The following RPL3 variants were observed in gnomAD, a reference collection of about 807,000 sequenced individuals.
The protein encoded by RPL3 is large ribosomal subunit protein uL3.
In RPL3, 3 loss-of-function variants were observed where a neutral mutation model predicts 46.0. That is an observed-to-expected ratio of 0.07 (90% CI 0.03 to 0.17). The LOEUF (loss-of-function observed/expected upper bound fraction) is 0.17, where lower values mean the gene tolerates loss of function less well. Ranked by LOEUF, RPL3 falls within the 10% of genes least tolerant of loss-of-function variation. The pLI, the probability that RPL3 is intolerant of heterozygous loss-of-function variation, is 1.00. For missense variants in RPL3, 387 were observed against 532.7 expected (o/e 0.73, Z 2.69); for synonymous variants, 224 against 190.8 (o/e 1.17, Z -1.43).
At chr22:39,319,479 C>A in intron 1 of RPL3, 116 bp downstream of exon 1, 1 of 1,403,390 alleles carries the variant, frequency 7.1e-7, no homozygotes. Flanking sequence ...CGCTGGGTCG[C>A]CCGTGCCCCT....
In RPL3 at chr22:39,318,511, C is replaced by T; in HGVS notation, c.85G>A (p.Val29Met). The T allele has an allele frequency of 6.2e-7, 1 of 1,613,862 alleles. No individual in the cohort carries two copies. The highest frequency in any genetic ancestry group is 1.7e-5 in the Admixed American group (1 of 59,994). The change falls in exon 2 of 10, where the codon GTG becomes ATG. Residue 29 changes from valine (V) to methionine (M), a missense_variant. Physicochemically the swap from Val to Met is conservative, Grantham distance 21. Coordinates refer to ENST00000216146, the MANE Select transcript of RPL3 (RefSeq NM_000967.4). ...RKRSSRHRGK[V>M]KSFPKDDPSK... Reference sequence around the variant, plus strand: ...GGGTCATCCTTAGGGAAGCTCTTCACCTTCCCACGATGCCTGCTGCTGCGC... The same window carrying T: ...GGGTCATCCTTAGGGAAGCTCTTCATCTTCCCACGATGCCTGCTGCTGCGC...
At chr22:39,313,499 A>C in intron 8 of RPL3, 135 bp downstream of exon 8, 3 of 1,239,524 alleles carry the variant, frequency 2.4e-6, no homozygotes, top group Non-Finnish European at 3.4e-6. Context: ...TCATCTCAGG[A>C]CTTCAAAGCC....
At chr22:39,316,989 T>C (rs758237728) in intron 3 of RPL3, 148 bp from the exon 4 acceptor site, 23 of 1,206,508 alleles carry the variant, frequency 1.9e-5, no homozygotes, top group Non-Finnish European at 2.6e-5. Flanking sequence ...AAGCGGAGCC[T>C]GGATGGAGCT....
chr22:39,315,682 A>G, intron 4 of RPL3, 127 bp from the exon 5 acceptor site: 1 of 1,058,072 alleles, frequency 9.5e-7, no homozygotes, highest in East Asian at 2.5e-5. Flanking sequence ...TGAACAAGTC[A>G]CTGAACCTCA....
intron 7 of RPL3, 43 bp from the exon 8 acceptor site, chr22:39,313,772 T>G (rs1922504971): frequency 6.4e-7 from 1 of 1,570,932 alleles, no homozygotes; most frequent in Non-Finnish European, 8.8e-7. Context: ...AGGAGGGGAT[T>G]GTCGTGCAGA....
chr22:39,313,899 A>G, intron 7 of RPL3, 170 bp from the exon 8 acceptor site: 1 of 845,672 alleles, frequency 1.2e-6, no homozygotes, highest in East Asian at 2.4e-5. Context: ...TCCAGGCCTC[A>G]TCACTGAACA....
chr22:39,314,093 C>T lies in RPL3; in HGVS notation c.951+14G>A, dbSNP rs753078882. On this transcript the variant is annotated intron_variant, in intron 7 of 9. Coordinates refer to ENST00000216146, the MANE Select transcript of RPL3 (RefSeq NM_000967.4). ...CCTGGGATGGCCTCACAGAGCAGAA[C>T]ACCCATTACTTACCAGAGGGTTGAT... 13 of 1,606,760 alleles carry T rather than the reference C, an allele frequency of 8.1e-6. No individual in the cohort carries two copies. Among genetic ancestry groups the T allele is most frequent in the Non-Finnish European group, 1.0e-5 (12 of 1,174,448 alleles).
rs1346152326 is a variant in RPL3 at position 39,319,619 on chromosome 22, T to C, written c.-22A>G. ...CCATCACGCCATCAAATCCCGCCGG[T>C]AGAGGCCGGTCGGCCTTACGGGTCC... is the stretch of plus-strand genomic sequence containing the variant. On this transcript the variant is annotated 5_prime_UTR_variant, in exon 1 of 10. Transcript: ENST00000216146. The C allele has an allele frequency of 6.5e-7, 1 of 1,550,104 alleles. No homozygotes were observed. Among genetic ancestry groups the C allele is most frequent in the Non-Finnish European group, 8.8e-7 (1 of 1,142,756 alleles).
intron 2 of RPL3, 37 bp from the exon 3 acceptor site, chr22:39,317,666 C>A (rs1280269928): frequency 6.2e-7 from 1 of 1,606,806 alleles, no homozygotes; most frequent in African/African-American, 1.3e-5. Context: ...TTGGCAGGAG[C>A]CCAAGCAAGG....
chr22:39,313,727 A>G lies in RPL3; in HGVS notation c.954T>C (p.Gly318=), dbSNP rs746662279. The G allele has an allele frequency of 1.2e-6, 2 of 1,613,982 alleles. No individual in the cohort carries two copies. The highest frequency in any genetic ancestry group is 1.7e-6 in the Non-Finnish European group (2 of 1,179,962). ...TCACTTCACCATAGTGGACAAAGCC[A>G]CCCTGGAAAACGAGCATCGGATCAG... ...DLSDKSINPL[G]GFVHYGEVTN... Residue 318 remains glycine, a splice_region_variant and synonymous_variant, in exon 8 of 10, where the codon GGT becomes GGC. Transcript: ENST00000216146.
chr22:39,313,136 C>T (rs1011323831), intron 9 of RPL3, 55 bp downstream of exon 9: 16 of 1,598,316 alleles, frequency 1.0e-5, no homozygotes, highest in Non-Finnish European at 1.1e-5. Flanking sequence ...GAGCCAAAGG[C>T]AGGCGGCTGC....
chr22:39,315,387 T>C lies in RPL3; in HGVS notation c.670A>G (p.Lys224Glu), dbSNP rs767419146. 1.2e-6 allele frequency: 2 copies of C among 1,614,036 alleles called. No individual in the cohort carries two copies. The highest frequency in any genetic ancestry group is 3.3e-5 in the Admixed American group (2 of 60,026). Residue 224 changes from lysine (K) to glutamate (E), a missense_variant, in exon 5 of 10, where the codon AAG becomes GAG. By Grantham distance (56) the Lys-to-Glu change is moderately conservative. Coordinates refer to ENST00000216146, the MANE Select transcript of RPL3 (RefSeq NM_000967.4). The stretch of plus-strand genomic sequence containing the variant: ...AGCTCACCTTTGTAGCCTTTGCCCT[T>C]GGTCACCCCGATGACGTCGATCATC... ...DEMIDVIGVT[K>E]GKGYKGVTSR...
chr22:39,314,609 A>G (rs2146512171), intron 6 of RPL3, 77 bp downstream of exon 6: 1 of 1,487,508 alleles, frequency 6.7e-7, no homozygotes, highest in African/African-American at 1.4e-5. Context: ...GTGAAGCAGC[A>G]CTGACAGGCA....
chr22:39,313,330 G>A lies in RPL3; in HGVS notation c.1048-20C>T. The A allele has an allele frequency of 2.5e-6, 4 of 1,613,852 alleles. No individual in the cohort carries two copies. Among genetic ancestry groups the A allele is most frequent in the Non-Finnish European group, 3.4e-6 (4 of 1,179,920 alleles). On this transcript the variant is annotated intron_variant, in intron 8 of 9. Coordinates refer to ENST00000216146, the MANE Select transcript of RPL3 (RefSeq NM_000967.4). ...CAAGGACTATGGGCCAAGAGGGGAA[G>A]GGATTTAGGATTACGAGGAGCCAGG...
In RPL3 at chr22:39,314,741, G is replaced by A. The variant is rs1922571205; in HGVS notation, c.794C>T (p.Ser265Phe). ...GCCTTTCTGCCCAGCGCGTGCCACAGAGAAGGCTACACGAGCAGGATGCCA... is the reference window on the plus strand; with the variant it reads ...GCCTTTCTGCCCAGCGCGTGCCACAAAGAAGGCTACACGAGCAGGATGCCA... ...GAWHPARVAF[S>F]VARAGQKGYH... The change falls in exon 6 of 10, where the codon TCT becomes TTT. Residue 265 changes from serine (S) to phenylalanine (F), a missense_variant. This residue lies in a region of RPL3 where 131 missense variants were observed against 185.1 expected (regional missense o/e 0.71). Transcript: ENST00000216146. 6.2e-7 allele frequency: 1 copy of A among 1,613,642 alleles called. No homozygotes were observed. The highest frequency in any genetic ancestry group is 8.5e-7 in the Non-Finnish European group (1 of 1,180,012).
At position 39,318,385 on chromosome 22, in the gene RPL3, G is replaced by A. The variant is rs771762173; in HGVS notation, c.196+15C>T. Reference sequence around the variant, plus strand: ...CCACTCCTATTCCCCCAACTTTTAGGATGTCTGTACATACTGGATCCCGGC... The same window carrying A: ...CCACTCCTATTCCCCCAACTTTTAGAATGTCTGTACATACTGGATCCCGGC... On this transcript the variant is annotated intron_variant, in intron 2 of 9. Transcript: ENST00000216146. The A allele has an allele frequency of 1.2e-6, 2 of 1,606,496 alleles. No homozygotes were observed. The highest frequency in any genetic ancestry group is 1.3e-5 in the African/African-American group (1 of 74,608).
rs190704123 is a variant in RPL3, at chr22:39,313,465, A to G, written c.1048-155T>C. 64 of 1,334,008 alleles carry G rather than the reference A, an allele frequency of 4.8e-5. No homozygotes were observed. The African/African-American group carries it at 6.1e-4, about 13-fold the overall frequency. 82.6% of individuals were successfully genotyped at this position (1,334,008 alleles called of 1,614,324 possible). A position where few individuals can be genotyped will look rare whatever the true frequency, so the allele number is the denominator to read the frequency against. ...ACACACTCAAAGCAGCAAACAGCCCAGCAAGGCCAGACTGGGAATTTCCTC... is the reference window on the plus strand; with the variant it reads ...ACACACTCAAAGCAGCAAACAGCCCGGCAAGGCCAGACTGGGAATTTCCTC... On this transcript the variant is annotated intron_variant, in intron 8 of 9. Coordinates refer to ENST00000216146, the MANE Select transcript of RPL3 (RefSeq NM_000967.4).
At chr22:39,316,900 G>A (rs527617648) in intron 3 of RPL3, 59 bp from the exon 4 acceptor site, 11 of 1,612,578 alleles carry the variant, frequency 6.8e-6, no homozygotes, top group East Asian at 6.7e-5. Context: ...TCACCCCTCC[G>A]AGGGGTGAGC....
At chr22:39,315,255 T>C in intron 5 of RPL3, 114 bp downstream of exon 5, 3 of 1,392,856 alleles carry the variant, frequency 2.2e-6, no homozygotes, top group Non-Finnish European at 3.1e-6. Flanking sequence ...TTCTACACTG[T>C]CCGATTCGGG....
Sources: gnomAD v4.1 joint callset for allele counts on GRCh38, gnomAD v4.1.1 for gene constraint, gnomAD v4.1.1 regional missense constraint, MANE v1.5 for transcripts, NCBI Gene and HGNC (gene_info 2026-07-23, HGNC 2026-07-21) for gene names.